STXBP5L: variants seen among roughly 807,000 people sequenced by gnomAD.
STXBP5L encodes the protein syntaxin binding protein 5L.
Under a neutral mutation model 144.5 loss-of-function variants are expected in STXBP5L, and 65 were observed. The observed-to-expected ratio is 0.45, with a 90% confidence interval of 0.37 to 0.55. STXBP5L has a LOEUF of 0.55. STXBP5L is among the 20% of genes least tolerant of loss of function. STXBP5L has a pLI of 0.00. For synonymous variants in STXBP5L, 505 were observed against 469.6 expected, an observed-to-expected ratio of 1.08 and a Z score of -0.97; for missense variants, 1,298 against 1,405.5, an observed-to-expected ratio of 0.92 and a Z score of 1.22.
At chr3:121,091,905 T>G (rs1288628942) in intron 5 of STXBP5L, among the ~76,000 whole-genome samples, 2 of 152,312 alleles carry the variant, frequency 1.3e-5, no homozygotes, top group African/African-American at 2.4e-5. Flanking sequence ...CTTTATGGTT[T>G]TAGGTCTAAC....
intron 20 of STXBP5L, among the ~76,000 whole-genome samples, chr3:121,365,926 C>T (rs1229787372): frequency 2.6e-5 from 4 of 151,530 alleles, no homozygotes; most frequent in Non-Finnish European, 5.9e-5. Flanking sequence ...CTTTGCACTG[C>T]TTTCACTGTA....
At chr3:121,038,807 TTAA>T (rs1201036605) in intron 3 of STXBP5L, among the ~76,000 whole-genome samples, 1 of 151,890 alleles carries the variant, frequency 6.6e-6, no homozygotes, top group African/African-American at 2.4e-5. Context: ...TTATGTTTTT[TTAA>T]TAATTTAACC....
At chr3:121,383,212 G>C (rs1320986664) in intron 22 of STXBP5L, among the ~76,000 whole-genome samples, 4 of 152,020 alleles carry the variant, frequency 2.6e-5, no homozygotes, top group African/African-American at 9.7e-5. Flanking sequence ...CAAGGTAGGA[G>C]TATTGCTTGA....
At chr3:121,418,816 G>C (rs11709797) in intron 26 of STXBP5L, among the ~76,000 whole-genome samples, 28,917 of 151,966 alleles carry the variant, frequency 0.19, 3,483 homozygotes, top group East Asian at 0.57. Flanking sequence ...GATACATCTG[G>C]GATCCACATC....
chr3:121,032,334 A>G (rs1342998289), intron 3 of STXBP5L, among the ~76,000 whole-genome samples: 1 of 152,114 alleles, frequency 6.6e-6, no homozygotes, highest in Non-Finnish European at 1.5e-5. Context: ...GTTTGATTAT[A>G]AAGTCAAATA....
At chr3:120,981,838 G>C (rs1299071405) in intron 3 of STXBP5L, among the ~76,000 whole-genome samples, 3 of 152,110 alleles carry the variant, frequency 2.0e-5, no homozygotes, top group Non-Finnish European at 1.5e-5. Flanking sequence ...GTTTTGATGG[G>C]ACATTGTTTT....
chr3:121,261,882 AC>A (rs543010825), intron 18 of STXBP5L, among the ~76,000 whole-genome samples: 33 of 152,324 alleles, frequency 2.2e-4, no homozygotes, highest in Non-Finnish European at 3.7e-4. Context: ...AAAATATCTT[AC>A]AAATTGGTAA....
intron 8 of STXBP5L, among the ~76,000 whole-genome samples, chr3:121,153,535 T>C (rs2046005115): frequency 6.6e-6 from 1 of 152,002 alleles, no homozygotes; most frequent in Non-Finnish European, 1.5e-5. Flanking sequence ...CACTTCCTTA[T>C]TTTATCATTG....
chr3:121,241,553 G>T (rs767915951), intron 14 of STXBP5L, among the ~76,000 whole-genome samples: 10 of 152,110 alleles, frequency 6.6e-5, no homozygotes, highest in Non-Finnish European at 1.2e-4. Flanking sequence ...ATAAAGCAGA[G>T]TAGGGAGCTG....
At chr3:121,122,260 T>C (rs2044501471) in intron 7 of STXBP5L, among the ~76,000 whole-genome samples, 2 of 150,420 alleles carry the variant, frequency 1.3e-5, no homozygotes, top group Non-Finnish European at 3.0e-5. Context: ...AGTATATAGG[T>C]TTGGTTCTTT....
At chr3:121,285,113 G>A (rs570460315) in intron 19 of STXBP5L, among the ~76,000 whole-genome samples, 2 of 152,074 alleles carry the variant, frequency 1.3e-5, no homozygotes, top group South Asian at 2.1e-4. Flanking sequence ...AAGCATATAT[G>A]CATTGTTCAT....
chr3:121,190,921 G>A lies in STXBP5L; in HGVS notation c.878-15002G>A, dbSNP rs551576779. Among the ~76,000 whole-genome samples the A allele has an allele frequency of 4.6e-5, 7 of 151,732 alleles. No individual in the cohort carries two copies. In the East Asian group the frequency reaches 1.2e-3, roughly 25 times the overall value. The stretch of plus-strand genomic sequence containing the variant: ...CAGACGGGGTCACGGCCGGGCAGAG[G>A]AGCTCTTCATATCTCAGACGGGGCG... On this transcript the variant is annotated intron_variant, in intron 9 of 26. Coordinates refer to ENST00000471454, the MANE Select transcript of STXBP5L (RefSeq NM_001308330.2).
intron 3 of STXBP5L, among the ~76,000 whole-genome samples, chr3:121,022,105 A>G (rs1341019142): frequency 6.6e-6 from 1 of 152,168 alleles, no homozygotes; most frequent in Non-Finnish European, 1.5e-5. Flanking sequence ...AATACCACAG[A>G]AATACAAAAG....
rs2044931390 is a variant in STXBP5L, at chr3:121,345,641, C to T, written c.2176+27101C>T. Among the ~76,000 whole-genome samples the T allele has an allele frequency of 2.0e-5, 3 of 152,150 alleles. No individual in the cohort carries two copies. In the South Asian group the frequency reaches 6.2e-4, roughly 32 times the overall value. On this transcript the variant is annotated intron_variant, in intron 20 of 26. Transcript: ENST00000471454. ...CTCCCACAAACAGTGTAAAAGCGTG[C>T]CTATTTCTCCACATCCTCTCCAGCA...
intron 9 of STXBP5L, among the ~76,000 whole-genome samples, chr3:121,164,245 A>C (rs1014645281): frequency 6.6e-6 from 1 of 152,218 alleles, no homozygotes; most frequent in Non-Finnish European, 1.5e-5. Context: ...GTATGTAAAA[A>C]GGTGCTCAAC....
intron 22 of STXBP5L, among the ~76,000 whole-genome samples, chr3:121,403,879 A>G (rs77245252): frequency 0.013 from 1,923 of 152,150 alleles, 35 homozygotes; most frequent in African/African-American, 0.044. Flanking sequence ...TTCCTTCTCA[A>G]TCTCTTTAGC....
intron 19 of STXBP5L, among the ~76,000 whole-genome samples, chr3:121,310,513 G>A (rs908881637): frequency 6.6e-6 from 1 of 151,650 alleles, no homozygotes; most frequent in African/African-American, 2.4e-5. Context: ...TATTCCGAAG[G>A]CTGAGGCAGG....
intron 3 of STXBP5L, among the ~76,000 whole-genome samples, chr3:121,029,162 A>C (rs916401489): frequency 4.6e-5 from 7 of 152,202 alleles, no homozygotes; most frequent in Non-Finnish European, 8.8e-5. Flanking sequence ...CTTTCTTCAC[A>C]GAATTAGAAA....
intron 5 of STXBP5L, among the ~76,000 whole-genome samples, chr3:121,067,598 A>G (rs1560084984): frequency 6.6e-6 from 1 of 152,180 alleles, no homozygotes; most frequent in Non-Finnish European, 1.5e-5. Context: ...TACTAGGTTC[A>G]ATGTACTATA....
Sources: gnomAD v4.1 joint callset for allele counts (sites outside exome capture counted in the v4.1 genomes callset) on GRCh38, gnomAD v4.1.1 for gene constraint, MANE v1.5 for transcripts, NCBI Gene and HGNC (gene_info 2026-07-23, HGNC 2026-07-21) for gene names.